The following YWHAE variants were observed in gnomAD, a reference collection of about 807,000 sequenced individuals.
YWHAE encodes tyrosine 3-monooxygenase/tryptophan 5-monooxygenase activation protein epsilon, also known as 14-3-3 protein epsilon.
A neutral mutation model predicts 30.1 loss-of-function variants in YWHAE; 4 were observed. That is an observed-to-expected ratio of 0.13 (90% CI 0.07 to 0.30). YWHAE has a LOEUF of 0.30. YWHAE is among the 10% of genes least tolerant of loss of function. YWHAE has a pLI of 1.00. For synonymous variants in YWHAE, 118 were observed against 111.8 expected (o/e 1.06, Z -0.35); for missense variants, 121 against 315.9 (o/e 0.38, Z 4.68).
intron 1 of YWHAE, among the ~76,000 whole-genome samples, chr17:1,376,248 T>TG (rs2073119705): frequency 6.6e-6 from 1 of 152,152 alleles, no homozygotes; most frequent in Non-Finnish European, 1.5e-5. Flanking sequence ...TCAGTGACTC[T>TG]ACCAGAGAAA....
At chr17:1,367,746 A>G (rs2150856190) in intron 1 of YWHAE, among the ~76,000 whole-genome samples, 1 of 152,302 alleles carries the variant, frequency 6.6e-6, no homozygotes, top group South Asian at 2.1e-4. Context: ...ATTAAGTGAA[A>G]AGAGTCAGAT....
At chr17:1,358,828 TTAAAAAAAAAA>T (rs1221188540) in intron 4 of YWHAE, among the ~76,000 whole-genome samples, 1 of 64,302 alleles carries the variant, frequency 1.6e-5, no homozygotes, top group African/African-American at 4.6e-5. Flanking sequence ...AGACTCCATC[TTAAAAAAAAAA>T]AAAAAAAAGG....
At chr17:1,383,657 G>T (rs1008274125) in intron 1 of YWHAE, among the ~76,000 whole-genome samples, 2 of 151,818 alleles carry the variant, frequency 1.3e-5, no homozygotes, top group African/African-American at 4.8e-5. Flanking sequence ...CAAAGTACTA[G>T]GATTACAGGT....
intron 5 of YWHAE, among the ~76,000 whole-genome samples, chr17:1,351,099 A>G (rs1451469168): frequency 7.0e-6 from 1 of 142,094 alleles, no homozygotes; most frequent in African/African-American, 2.6e-5. Flanking sequence ...GGTGGCTCAC[A>G]CCTGTAATCC....
intron 4 of YWHAE, among the ~76,000 whole-genome samples, chr17:1,358,044 T>C (rs1490210449): frequency 6.6e-6 from 1 of 151,804 alleles, no homozygotes; most frequent in Non-Finnish European, 1.5e-5. Flanking sequence ...GGTTACTATC[T>C]GGAATAATGA....
intron 5 of YWHAE, chr17:1,348,068 A>C: frequency 1.1e-6 from 1 of 883,062 alleles, no homozygotes; most frequent in Non-Finnish European, 1.4e-6. Flanking sequence ...TACAAGAAAA[A>C]TAAACCAACA....
intron 4 of YWHAE, among the ~76,000 whole-genome samples, chr17:1,356,796 T>C (rs1486249231): frequency 7.9e-6 from 1 of 125,984 alleles, no homozygotes; most frequent in African/African-American, 3.4e-5. Context: ...CTGTCTCTAC[T>C]AAAAATGCAA....
intron 1 of YWHAE, among the ~76,000 whole-genome samples, chr17:1,365,666 G>A (rs983279435): frequency 4.6e-5 from 7 of 152,102 alleles, no homozygotes; most frequent in Non-Finnish European, 1.0e-4. Flanking sequence ...CAAGCATAGG[G>A]AAACACAACG....
rs374988773 is a variant in YWHAE, at chr17:1,384,550, A to G, written c.64+15497T>C. Reference sequence around the variant, plus strand: ...ACTAAAAATACAAAAAAAATTAGCCAGGCATGGTGGCAGGCACCTGTACTC... The same window carrying G: ...ACTAAAAATACAAAAAAAATTAGCCGGGCATGGTGGCAGGCACCTGTACTC... On this transcript the variant is annotated intron_variant, in intron 1 of 5. Coordinates refer to ENST00000264335, the MANE Select transcript of YWHAE (RefSeq NM_006761.5). Among the ~76,000 whole-genome samples, 417 of 151,730 alleles carry G rather than the reference A, an allele frequency of 2.7e-3. 1 individual carries two copies. The highest frequency in any genetic ancestry group is 4.5e-3 in the Non-Finnish European group (308 of 67,928).
At chr17:1,364,296 G>A (rs1030725109) in intron 2 of YWHAE, among the ~76,000 whole-genome samples, 9 of 151,520 alleles carry the variant, frequency 5.9e-5, no homozygotes, top group South Asian at 2.1e-4. Context: ...GTGCGATCTC[G>A]GCTCACCGCA....
At chr17:1,347,139 A>G (rs1370684377) in intron 5 of YWHAE, among the ~76,000 whole-genome samples, 11 of 148,240 alleles carry the variant, frequency 7.4e-5, no homozygotes, top group Admixed American at 2.7e-4. Context: ...CATCCTGGCT[A>G]ACACAGTGAA....
At position 1,359,817 on chromosome 17, in the gene YWHAE, T is replaced by C. The variant is rs1482292450; in HGVS notation, c.578+1275A>G. Among the ~76,000 whole-genome samples the C allele has an allele frequency of 8.8e-3, 379 of 43,122 alleles. 1 individual carries two copies. The highest frequency in any genetic ancestry group is 0.024 in the African/African-American group (350 of 14,490). 28.3% of individuals were successfully genotyped at this position (43,122 alleles called of 152,430 possible). On this transcript the variant is annotated intron_variant, in intron 4 of 5. Coordinates refer to ENST00000264335, the MANE Select transcript of YWHAE (RefSeq NM_006761.5). The stretch of plus-strand genomic sequence containing the variant: ...TATTCGGTGCCACTAAATTGTTGTG[T>C]GTGTGTGTGTGTGTGTGTGTGTGTG...
chr17:1,380,800 C>T (rs1257887585), intron 1 of YWHAE, among the ~76,000 whole-genome samples: 2 of 152,176 alleles, frequency 1.3e-5, no homozygotes, highest in Non-Finnish European at 2.9e-5. Context: ...CATATCTGTG[C>T]TTTTGGTAAC....
intron 1 of YWHAE, among the ~76,000 whole-genome samples, chr17:1,397,460 T>A (rs1240618397): frequency 2.0e-5 from 3 of 152,176 alleles, no homozygotes; most frequent in Non-Finnish European, 4.4e-5. Flanking sequence ...ATAATCCATA[T>A]AAATTGATTC....
At chr17:1,362,434 G>A (rs549792369) in intron 2 of YWHAE, among the ~76,000 whole-genome samples, 11 of 152,248 alleles carry the variant, frequency 7.2e-5, no homozygotes, top group Middle Eastern at 3.4e-3. Flanking sequence ...AATAAGCAGA[G>A]CTAGGATTTG....
intron 1 of YWHAE, among the ~76,000 whole-genome samples, chr17:1,394,578 C>T (rs2073439265): frequency 6.6e-6 from 1 of 151,772 alleles, no homozygotes; most frequent in African/African-American, 2.4e-5. Flanking sequence ...TGCACTTCAG[C>T]CTGGGTCACA....
intron 1 of YWHAE, among the ~76,000 whole-genome samples, chr17:1,375,064 T>C (rs548163934): frequency 2.7e-4 from 41 of 152,238 alleles, no homozygotes; most frequent in African/African-American, 5.8e-4. Flanking sequence ...ACTGGGACTA[T>C]AGGTGCACAC....
intron 1 of YWHAE, among the ~76,000 whole-genome samples, chr17:1,370,330 A>G (rs567922175): frequency 6.0e-5 from 9 of 151,238 alleles, no homozygotes; most frequent in East Asian, 3.9e-4. Flanking sequence ...GCGGGGTTTC[A>G]CCATGTTAGC....
At chr17:1,347,892 C>T (rs1217983873) in intron 5 of YWHAE, 2 of 902,354 alleles carry the variant, frequency 2.2e-6, no homozygotes, top group East Asian at 8.1e-5. Flanking sequence ...ACAGGACGAT[C>T]ATACGCAGGC....
Sources: gnomAD v4.1 joint callset for allele counts (sites outside exome capture counted in the v4.1 genomes callset) on GRCh38, gnomAD v4.1.1 for gene constraint, MANE v1.5 for transcripts, NCBI Gene and HGNC (gene_info 2026-07-23, HGNC 2026-07-21) for gene names.